The following GAREM1 variants were observed in gnomAD, a reference collection of about 807,000 sequenced individuals.
The protein encoded by GAREM1 is GRB2-associated and regulator of MAPK protein 1.
A neutral mutation model predicts 71.3 loss-of-function variants in GAREM1; 26 were observed. The observed-to-expected ratio is 0.36, with a 90% CI of 0.27 to 0.51. GAREM1 has a LOEUF of 0.51. Among genes scored for constraint, GAREM1 ranks in the 20% least tolerant of loss-of-function variants. The pLI, the probability that GAREM1 is intolerant of heterozygous loss-of-function variation, is 0.95. For missense variants in GAREM1, 1,026 were observed against 1,103.1 expected (o/e 0.93, Z 0.99); for synonymous variants, 440 against 433.2 (o/e 1.02, Z -0.20).
chr18:32,277,262 A>T (rs2041555345), intron 4 of GAREM1, among the ~76,000 whole-genome samples: 4 of 151,812 alleles, frequency 2.6e-5, no homozygotes, highest in Admixed American at 2.6e-4. Context: ...CATGCCTTTT[A>T]AAAAAAAACT....
intron 2 of GAREM1, among the ~76,000 whole-genome samples, chr18:32,338,069 T>C (rs772170704): frequency 1.2e-4 from 19 of 152,176 alleles, no homozygotes; most frequent in Non-Finnish European, 2.1e-4. Context: ...AGGTGGTTTC[T>C]TCAGAGTTTC....
At chr18:32,347,985 C>T (rs761368002) in intron 2 of GAREM1, among the ~76,000 whole-genome samples, 7 of 152,146 alleles carry the variant, frequency 4.6e-5, no homozygotes, top group African/African-American at 1.7e-4. Context: ...TTGAAAACTA[C>T]TTTTGGAATC....
intron 2 of GAREM1, among the ~76,000 whole-genome samples, chr18:32,368,013 C>T (rs1463813194): frequency 1.3e-5 from 2 of 152,126 alleles, no homozygotes; most frequent in South Asian, 4.1e-4. Flanking sequence ...ATCTCCAGTA[C>T]ATTCCTATCC....
At chr18:32,372,194 C>T (rs538673094) in intron 2 of GAREM1, among the ~76,000 whole-genome samples, 37 of 152,256 alleles carry the variant, frequency 2.4e-4, no homozygotes, top group African/African-American at 8.4e-4. Flanking sequence ...TGTACACACA[C>T]AAAGCAGACA....
chr18:32,403,876 T>G lies in GAREM1; in HGVS notation c.122-10841A>C, dbSNP rs114496157. Among the ~76,000 whole-genome samples, 193 of 152,326 alleles carry G rather than the reference T, an allele frequency of 1.3e-3. 1 individual carries two copies. Among genetic ancestry groups the G allele is most frequent in the African/African-American group, 4.4e-3 (185 of 41,574 alleles). On this transcript the variant is annotated intron_variant, in intron 1 of 5. Coordinates refer to ENST00000269209, the MANE Select transcript of GAREM1 (RefSeq NM_001242409.2). ...ACTTTTTAATGTTTATGTATTAATA[T>G]TTAAAGGCCAACACAGTAAAAATAA...
intron 1 of GAREM1, among the ~76,000 whole-genome samples, chr18:32,413,860 C>A (rs551880727): frequency 6.6e-6 from 1 of 152,266 alleles, no homozygotes; most frequent in Non-Finnish European, 1.5e-5. Context: ...GTTAGTTACA[C>A]TCCCAAGCAA....
intron 1 of GAREM1, among the ~76,000 whole-genome samples, chr18:32,399,497 C>G (rs1180576359): frequency 6.6e-6 from 1 of 152,104 alleles, no homozygotes; most frequent in Non-Finnish European, 1.5e-5. Flanking sequence ...AATCAATGTG[C>G]AAAAATCACA....
rs1175202988 is a variant in GAREM1 at position 32,268,540 on chromosome 18, T to C, written c.1962A>G (p.Arg654=). 1.2e-6 allele frequency: 2 copies of C among 1,613,992 alleles called. No homozygotes were observed. Among genetic ancestry groups the C allele is most frequent in the Admixed American group, 1.7e-5 (1 of 60,000 alleles). The change falls in exon 6 of 6, where the codon AGA becomes AGG. Residue 654 remains arginine (R), a synonymous_variant. Coordinates refer to ENST00000269209, the MANE Select transcript of GAREM1 (RefSeq NM_001242409.2). ...TCTTTGGTGTGCCTGGCGTCTTTTG[T>C]CTAGGGTAACTATAACTCCTGCTTG... is the stretch of plus-strand genomic sequence containing the variant. ...LDPSRSYSYP[R]QKTPGTPKRN... is the part of the protein sequence containing the mutation.
At chr18:32,282,495 C>T (rs942582401) in intron 4 of GAREM1, among the ~76,000 whole-genome samples, 1 of 152,098 alleles carries the variant, frequency 6.6e-6, no homozygotes, top group African/African-American at 2.4e-5. Flanking sequence ...CACTGCCACA[C>T]AAATGGTTTT....
At chr18:32,430,970 A>G (rs920818905) in intron 1 of GAREM1, among the ~76,000 whole-genome samples, 12 of 152,214 alleles carry the variant, frequency 7.9e-5, no homozygotes, top group Non-Finnish European at 1.8e-4. Context: ...TATCACAGAG[A>G]GAAAGGAGTT....
intron 2 of GAREM1, among the ~76,000 whole-genome samples, chr18:32,333,170 G>C (rs554578588): frequency 1.3e-5 from 2 of 151,728 alleles, no homozygotes; most frequent in African/African-American, 4.8e-5. Flanking sequence ...AAAAGAAAGA[G>C]AGAGACATTA....
Position 32,443,735 on chromosome 18 carries a change from A to G in GAREM1, c.121+26573T>C, listed in dbSNP as rs181443425. Among the ~76,000 whole-genome samples the G allele has an allele frequency of 7.0e-4, 106 of 152,308 alleles. 1 individual carries two copies. The East Asian group carries it at 0.016, about 23-fold the overall frequency. On this transcript the variant is annotated intron_variant, in intron 1 of 5. Transcript: ENST00000269209. ...GATAGTTTCTCAAACAATTAAATGT[A>G]GTTATCATATGACCCAGCAATTCCA... is the stretch of plus-strand genomic sequence containing the variant.
At position 32,268,456 on chromosome 18, in the gene GAREM1, G is replaced by A. The variant is rs1460260623; in HGVS notation, c.2046C>T (p.Ser682=). The A allele has an allele frequency of 6.2e-7, 1 of 1,614,186 alleles. No individual in the cohort carries two copies. The highest frequency in any genetic ancestry group is 2.2e-5 in the East Asian group (1 of 44,888). Residue 682 remains serine, a synonymous_variant, in exon 6 of 6, where the codon AGC becomes AGT. Transcript: ENST00000269209. Reference sequence around the variant, plus strand: ...TGCTACTGAATTCTGCAGTGACTGGGCTAGTGGGGCTGGCCAGGAGCTCAC... The same window carrying A: ...TGCTACTGAATTCTGCAGTGACTGGACTAGTGGGGCTGGCCAGGAGCTCAC... ...DGCELLASPT[S]PVTAEFSSSV...
chr18:32,330,117 C>T (rs547860344), intron 2 of GAREM1, among the ~76,000 whole-genome samples: 8 of 152,156 alleles, frequency 5.3e-5, no homozygotes, highest in African/African-American at 7.2e-5. Flanking sequence ...AAGGGCCCAT[C>T]GATGATGGAC....
chr18:32,366,250 T>C (rs1425608804), intron 2 of GAREM1, among the ~76,000 whole-genome samples: 3 of 152,148 alleles, frequency 2.0e-5, no homozygotes, highest in African/African-American at 7.2e-5. Flanking sequence ...TAGCACCTAG[T>C]GCTTCCCTCT....
At chr18:32,469,890 G>C (rs187824393) in intron 1 of GAREM1, among the ~76,000 whole-genome samples, 76 of 152,238 alleles carry the variant, frequency 5.0e-4, no homozygotes, top group African/African-American at 1.7e-3. Context: ...CGGGGGATGG[G>C]GGAGATAGGG....
At chr18:32,422,829 A>G (rs2048532629) in intron 1 of GAREM1, among the ~76,000 whole-genome samples, 1 of 152,226 alleles carries the variant, frequency 6.6e-6, no homozygotes, top group South Asian at 2.1e-4. Flanking sequence ...ACAGAATTTT[A>G]GAACTAGAAG....
intron 3 of GAREM1, among the ~76,000 whole-genome samples, chr18:32,302,575 T>G (rs191279817): frequency 6.6e-6 from 1 of 152,278 alleles, no homozygotes. Context: ...TGAATGAACC[T>G]GGAGGGTATT....
chr18:32,442,421 T>C (rs975653260), intron 1 of GAREM1, among the ~76,000 whole-genome samples: 2 of 152,168 alleles, frequency 1.3e-5, no homozygotes, highest in African/African-American at 2.4e-5. Flanking sequence ...AAATACAAAG[T>C]ACATTTTAAG....
Sources: allele counts gnomAD v4.1 joint callset (sites outside exome capture counted in the v4.1 genomes callset), GRCh38; gene constraint gnomAD v4.1.1; transcripts MANE v1.5; gene names NCBI Gene and HGNC (gene_info 2026-07-23, HGNC 2026-07-21).